The following ANKRD22 variants were observed in gnomAD, a reference collection of about 807,000 sequenced individuals.
ANKRD22 encodes the protein ankyrin repeat domain-containing protein 22.
ANKRD22 carries 24 observed loss-of-function variants against 25.7 expected under a neutral mutation model. That is an observed-to-expected ratio of 0.93 (90% confidence interval 0.68 to 1.31). The LOEUF is 1.31. ANKRD22 is among the 50% of genes most tolerant of loss of function. The pLI, the probability that ANKRD22 is intolerant of heterozygous loss-of-function variation, is 0.00. For synonymous variants in ANKRD22, 84 were observed against 84.3 expected (o/e 1.00, Z 0.02); for missense variants, 214 against 227.1 (o/e 0.94, Z 0.37).
Position 88,820,077 on chromosome 10 carries a change from C to T in ANKRD22, c.*2864G>A, listed in dbSNP as rs181144724. 2.0e-5 allele frequency among the ~76,000 whole-genome samples: 3 copies of T among 152,248 alleles called. No homozygotes were observed. The highest frequency in any genetic ancestry group is 6.5e-5 in the Admixed American group (1 of 15,300). ...AAGTAATTTTACCTTAAAGTAAGGGCGGGAACAGAAATTCTTAACAGAGTT... is the reference window on the plus strand; with the variant it reads ...AAGTAATTTTACCTTAAAGTAAGGGTGGGAACAGAAATTCTTAACAGAGTT... On this transcript the variant is annotated 3_prime_UTR_variant, in exon 6 of 6. Transcript: ENST00000371930.
intron 1 of ANKRD22, among the ~76,000 whole-genome samples, chr10:88,837,094 C>G (rs963158408): frequency 9.2e-5 from 14 of 152,134 alleles, no homozygotes; most frequent in Non-Finnish European, 1.5e-5. Flanking sequence ...ACGTTCCACA[C>G]GTTTGTAGGC....
intron 1 of ANKRD22, among the ~76,000 whole-genome samples, chr10:88,842,846 T>A (rs1353339604): frequency 6.6e-6 from 1 of 152,132 alleles, no homozygotes; most frequent in Non-Finnish European, 1.5e-5. Context: ...ATAATAGACA[T>A]AGTGTTATGA....
At chr10:88,825,011 T>TCTCACACA (rs1420247268) in intron 4 of ANKRD22, among the ~76,000 whole-genome samples, 1,445 of 111,438 alleles carry the variant, frequency 0.013, 14 homozygotes, top group Non-Finnish European at 0.022. Context: ...TCTCTCTCTC[T>TCTCACACA]CACACACACA....
At chr10:88,828,312 T>C (rs1843873509) in intron 3 of ANKRD22, among the ~76,000 whole-genome samples, 1 of 152,232 alleles carries the variant, frequency 6.6e-6, no homozygotes, top group Non-Finnish European at 1.5e-5. Flanking sequence ...TAGTTAAGGT[T>C]AAATTATTTT....
intron 2 of ANKRD22, among the ~76,000 whole-genome samples, chr10:88,830,068 C>T (rs1843890215): frequency 6.6e-6 from 1 of 152,226 alleles, no homozygotes; most frequent in African/African-American, 2.4e-5. Flanking sequence ...GGATTCCAGA[C>T]ATGAGCCACT....
chr10:88,829,039 C>T (rs1049977542), intron 2 of ANKRD22, among the ~76,000 whole-genome samples: 2 of 152,188 alleles, frequency 1.3e-5, no homozygotes, highest in Non-Finnish European at 2.9e-5. Context: ...ACCATGTGTA[C>T]GATTATCCAT....
chr10:88,850,990 T>C (rs1383614680), intron 1 of ANKRD22, among the ~76,000 whole-genome samples: 2 of 152,158 alleles, frequency 1.3e-5, no homozygotes, highest in South Asian at 2.1e-4. Context: ...TGAAACATCA[T>C]TAAAAATCCA....
At chr10:88,828,508 C>A in intron 3 of ANKRD22, 51 bp downstream of exon 3, 1 of 1,340,808 alleles carries the variant, frequency 7.5e-7, no homozygotes, top group South Asian at 1.2e-5. Flanking sequence ...GTCAATGAGT[C>A]ACACCATCGA....
rs750567373 is a variant in ANKRD22, at chr10:88,826,121, A to G, written c.322-6T>C. ...TTCTGCTTTGTCTTTGATACCTATTACAAATGGTAATTATAAGAAAGGCTT... is the reference window on the plus strand; with the variant it reads ...TTCTGCTTTGTCTTTGATACCTATTGCAAATGGTAATTATAAGAAAGGCTT... On this transcript the variant is annotated splice_polypyrimidine_tract_variant and splice_region_variant and intron_variant, in intron 3 of 5. Coordinates refer to ENST00000371930, the MANE Select transcript of ANKRD22 (RefSeq NM_144590.3). 1 of 1,597,812 alleles carries G rather than the reference A, an allele frequency of 6.3e-7. No homozygotes were observed. Among genetic ancestry groups the G allele is most frequent in the East Asian group, 2.2e-5 (1 of 44,786 alleles).
chr10:88,823,982 C>T (rs1428426398), intron 4 of ANKRD22, among the ~76,000 whole-genome samples: 2 of 152,134 alleles, frequency 1.3e-5, no homozygotes, highest in South Asian at 2.1e-4. Flanking sequence ...GTTTCTTTGT[C>T]GCATGCTATA....
intron 1 of ANKRD22, among the ~76,000 whole-genome samples, chr10:88,848,697 T>C (rs1017734925): frequency 2.6e-5 from 4 of 152,158 alleles, no homozygotes; most frequent in Admixed American, 1.3e-4. Context: ...GTTAAATGAC[T>C]TCCTCTCAAA....
At chr10:88,825,736 G>A (rs1843849176) in intron 4 of ANKRD22, among the ~76,000 whole-genome samples, 1 of 152,204 alleles carries the variant, frequency 6.6e-6, no homozygotes, top group Non-Finnish European at 1.5e-5. Flanking sequence ...TCTCACTCCA[G>A]CTTCTTAACT....
intron 1 of ANKRD22, among the ~76,000 whole-genome samples, chr10:88,848,425 T>C (rs537501694): frequency 6.6e-6 from 1 of 152,204 alleles, no homozygotes; most frequent in East Asian, 1.9e-4. Flanking sequence ...ACTTTCAATA[T>C]ACAAGGAAAG....
At position 88,820,579 on chromosome 10, in the gene ANKRD22, C is replaced by T. The variant is rs1489083670; in HGVS notation, c.*2362G>A. 8.1e-6 allele frequency: 11 copies of T among 1,350,030 alleles called. No individual in the cohort carries two copies. Among genetic ancestry groups the T allele is most frequent in the Admixed American group, 2.5e-5 (1 of 39,738 alleles). 83.6% of individuals were successfully genotyped at this position (1,350,030 alleles called of 1,614,324 possible). A position where few individuals can be genotyped will look rare whatever the true frequency, so the allele number is the denominator to read the frequency against. ...CCCATGAAGGCAGAATTACGGAGAG[C>T]AGAGACCTAGTATACATTTTTCAGA... On this transcript the variant is annotated 3_prime_UTR_variant, in exon 6 of 6. Coordinates refer to ENST00000371930, the MANE Select transcript of ANKRD22 (RefSeq NM_144590.3).
At chr10:88,835,557 G>A (rs573017589) in intron 1 of ANKRD22, among the ~76,000 whole-genome samples, 8 of 152,302 alleles carry the variant, frequency 5.3e-5, no homozygotes, top group African/African-American at 1.7e-4. Flanking sequence ...ATAGGCAGTT[G>A]TAACACAATT....
chr10:88,832,074 A>C, intron 1 of ANKRD22, 48 bp from the exon 2 acceptor site: 1 of 1,516,998 alleles, frequency 6.6e-7, no homozygotes. Context: ...GGCATAATTA[A>C]ACCACAAAAA....
chr10:88,832,139 T>C (rs1214549), intron 1 of ANKRD22, 113 bp from the exon 2 acceptor site: 374,565 of 1,174,582 alleles, frequency 0.32, 62,527 homozygotes, highest in African/African-American at 0.34. Flanking sequence ...AAAATTGTAA[T>C]ATATTGCTTT....
intron 1 of ANKRD22, among the ~76,000 whole-genome samples, chr10:88,838,922 T>G (rs541394856): frequency 1.3e-5 from 2 of 152,232 alleles, no homozygotes; most frequent in Non-Finnish European, 2.9e-5. Context: ...AAGGAGTATT[T>G]ACCAGCAGGG....
chr10:88,829,457 G>A (rs1020231985), intron 2 of ANKRD22, among the ~76,000 whole-genome samples: 7 of 152,160 alleles, frequency 4.6e-5, no homozygotes, highest in Admixed American at 1.3e-4. Flanking sequence ...GGAACATAAC[G>A]ATAGAATTTT....
Sources: gnomAD v4.1 joint callset for allele counts (sites outside exome capture counted in the v4.1 genomes callset) on GRCh38, gnomAD v4.1.1 for gene constraint, MANE v1.5 for transcripts, NCBI Gene and HGNC (gene_info 2026-07-23, HGNC 2026-07-21) for gene names.